Variants in PRKG1 observed in about 807,000 individuals in gnomAD.
The protein encoded by PRKG1 is cGMP-dependent protein kinase 1.
A neutral mutation model predicts 88.1 loss-of-function variants in PRKG1; 35 were observed. That is an observed-to-expected ratio of 0.40 (90% CI 0.30 to 0.53). The LOEUF (loss-of-function observed/expected upper bound fraction) is 0.53. PRKG1 is among the 20% of genes least tolerant of loss of function. The probability of loss-of-function intolerance (pLI) is 0.59; values close to 1 mark genes in which losing one functional copy is unlikely to be tolerated. For missense variants in PRKG1, 540 were observed against 839.8 expected (o/e 0.64, Z 4.41); for synonymous variants, 303 against 292.5 (o/e 1.04, Z -0.37).
At chr10:51,966,259 G>A (rs182522040) in intron 5 of PRKG1, among the ~76,000 whole-genome samples, 1 of 152,158 alleles carries the variant, frequency 6.6e-6, no homozygotes, top group South Asian at 2.1e-4. Context: ...TCTGCAAACA[G>A]TACCTGGCTC....
chr10:51,182,668 A>C (rs953022644), intron 2 of PRKG1, among the ~76,000 whole-genome samples: 6 of 152,104 alleles, frequency 3.9e-5, no homozygotes, highest in African/African-American at 1.4e-4. Flanking sequence ...CTAGACAGGT[A>C]ATGGGTCTTA....
At chr10:52,173,538 G>T (rs1229562959) in intron 9 of PRKG1, among the ~76,000 whole-genome samples, 1 of 152,152 alleles carries the variant, frequency 6.6e-6, no homozygotes, top group Non-Finnish European at 1.5e-5. Flanking sequence ...TATACTATAT[G>T]AATTTAGATC....
intron 2 of PRKG1, among the ~76,000 whole-genome samples, chr10:51,354,686 T>C (rs1018988334): frequency 2.0e-5 from 3 of 152,142 alleles, no homozygotes; most frequent in Non-Finnish European, 4.4e-5. Flanking sequence ...GTCTCACACA[T>C]ATTGCTTTGA....
At chr10:51,648,767 C>T (rs1839973442) in intron 3 of PRKG1, among the ~76,000 whole-genome samples, 1 of 152,138 alleles carries the variant, frequency 6.6e-6, no homozygotes, top group Non-Finnish European at 1.5e-5. Context: ...GTCTAAACTT[C>T]ATCCTTCTCA....
chr10:51,411,538 G>A (rs575924911), intron 2 of PRKG1, among the ~76,000 whole-genome samples: 11 of 152,284 alleles, frequency 7.2e-5, no homozygotes, highest in East Asian at 5.8e-4. Flanking sequence ...GCAGGGGGAC[G>A]AGGTGGAGAG....
chr10:51,731,118 T>C (rs1163497909), intron 3 of PRKG1, among the ~76,000 whole-genome samples: 2 of 152,160 alleles, frequency 1.3e-5, no homozygotes, highest in African/African-American at 4.8e-5. Context: ...ATGATGCCAC[T>C]GCACTCCAGG....
In PRKG1 at chr10:52,175,724, A is replaced by T. The variant is rs560326066; in HGVS notation, c.1076+13761A>T. 3.9e-5 allele frequency among the ~76,000 whole-genome samples: 6 copies of T among 152,076 alleles called. No individual in the cohort carries two copies. In the East Asian group the frequency reaches 9.7e-4, roughly 24 times the overall value. On this transcript the variant is annotated intron_variant, in intron 9 of 17. Transcript: ENST00000373980. ...AAAAAGATACCTCATTGTGGTTTTG[A>T]TTTGCACTTCCCTGATGATTGGTAT...
At chr10:51,176,043 A>G (rs939868086) in intron 2 of PRKG1, among the ~76,000 whole-genome samples, 6 of 152,180 alleles carry the variant, frequency 3.9e-5, no homozygotes, top group Non-Finnish European at 7.4e-5. Flanking sequence ...AAAGGACAAG[A>G]TATTTTATTT....
chr10:51,860,932 T>C (rs1179212274), intron 4 of PRKG1, among the ~76,000 whole-genome samples: 1 of 152,208 alleles, frequency 6.6e-6, no homozygotes, highest in African/African-American at 2.4e-5. Flanking sequence ...ACCAAAGTGA[T>C]GGCTGAAAAG....
At chr10:51,798,770 A>G (rs1839085889) in intron 3 of PRKG1, among the ~76,000 whole-genome samples, 2 of 152,106 alleles carry the variant, frequency 1.3e-5, no homozygotes, top group Admixed American at 6.6e-5. Context: ...GAGAATTACA[A>G]GCTAATTTTG....
At chr10:52,031,519 G>A (rs896127610) in intron 5 of PRKG1, among the ~76,000 whole-genome samples, 1 of 152,082 alleles carries the variant, frequency 6.6e-6, no homozygotes, top group African/African-American at 2.4e-5. Flanking sequence ...GTATTTGTTA[G>A]CAATAGTAAT....
intron 2 of PRKG1, among the ~76,000 whole-genome samples, chr10:51,336,355 A>T (rs1359900657): frequency 6.6e-6 from 1 of 151,394 alleles, no homozygotes; most frequent in Non-Finnish European, 1.5e-5. Context: ...TCCATCTCAA[A>T]AAATAAATAA....
At chr10:51,641,701 T>C (rs1839804974) in intron 3 of PRKG1, among the ~76,000 whole-genome samples, 1 of 152,144 alleles carries the variant, frequency 6.6e-6, no homozygotes, top group Non-Finnish European at 1.5e-5. Context: ...ACCAGTCTAA[T>C]AGCTATACTG....
At chr10:51,846,346 A>T (rs1010236846) in intron 4 of PRKG1, among the ~76,000 whole-genome samples, 1 of 152,194 alleles carries the variant, frequency 6.6e-6, no homozygotes, top group Admixed American at 6.5e-5. Flanking sequence ...CCAATCCTTG[A>T]TTATATGTTT....
At chr10:51,338,669 T>C (rs1841934536) in intron 2 of PRKG1, among the ~76,000 whole-genome samples, 1 of 152,232 alleles carries the variant, frequency 6.6e-6, no homozygotes, top group Non-Finnish European at 1.5e-5. Flanking sequence ...TTGGTTCTTT[T>C]ATTCTAAAGT....
chr10:52,228,706 A>C, intron 9 of PRKG1, among the ~76,000 whole-genome samples: 1 of 152,224 alleles, frequency 6.6e-6, no homozygotes, highest in East Asian at 1.9e-4. Context: ...AGTATCATAC[A>C]CACAGTGCAA....
chr10:51,860,598 C>T (rs1232868009), intron 4 of PRKG1, among the ~76,000 whole-genome samples: 3 of 152,180 alleles, frequency 2.0e-5, no homozygotes, highest in Non-Finnish European at 4.4e-5. Context: ...GTTACACCAG[C>T]AGTACTGCTC....
intron 7 of PRKG1, among the ~76,000 whole-genome samples, chr10:52,086,730 G>T (rs1031266578): frequency 1.3e-5 from 2 of 151,870 alleles, no homozygotes; most frequent in South Asian, 2.1e-4. Flanking sequence ...CAAACAATTC[G>T]CTATATGTGG....
chr10:51,026,686 T>A (rs1021028422), intron 1 of PRKG1, among the ~76,000 whole-genome samples: 46 of 152,246 alleles, frequency 3.0e-4, no homozygotes, highest in African/African-American at 1.0e-3. Context: ...TGTGGATAAC[T>A]TCAGGATACT....
Sources: allele counts gnomAD v4.1 joint callset (sites outside exome capture counted in the v4.1 genomes callset), GRCh38; gene constraint gnomAD v4.1.1; transcripts MANE v1.5; gene names NCBI Gene and HGNC (gene_info 2026-07-23, HGNC 2026-07-21).